PRICKLE1: variants seen among roughly 807,000 people sequenced by gnomAD.
The protein encoded by PRICKLE1 is prickle planar cell polarity protein 1.
PRICKLE1 carries 14 observed loss-of-function variants against 70.2 expected under a neutral mutation model. That is an observed-to-expected ratio of 0.20 (90% CI 0.13 to 0.31). PRICKLE1 has a LOEUF of 0.31. Ranked by LOEUF, PRICKLE1 falls within the 10% of genes least tolerant of loss-of-function variation. The pLI, the probability that PRICKLE1 is intolerant of heterozygous loss-of-function variation, is 1.00. For missense variants in PRICKLE1, 821 were observed against 1,026.2 expected (o/e 0.80, Z 2.73); for synonymous variants, 357 against 379.9 (o/e 0.94, Z 0.70).
chr12:42,541,411 G>A (rs1940113015), intron 1 of PRICKLE1, among the ~76,000 whole-genome samples: 1 of 151,662 alleles, frequency 6.6e-6, no homozygotes, highest in African/African-American at 2.4e-5. Context: ...TGCCATCATG[G>A]CTCACTGCAG....
chr12:42,555,327 C>T (rs1005018616), intron 1 of PRICKLE1, among the ~76,000 whole-genome samples: 1 of 152,042 alleles, frequency 6.6e-6, no homozygotes, highest in Non-Finnish European at 1.5e-5. Flanking sequence ...AAGCAAAAAG[C>T]AGTAATTTCT....
chr12:42,556,585 C>T (rs1940416428), intron 1 of PRICKLE1, among the ~76,000 whole-genome samples: 1 of 152,090 alleles, frequency 6.6e-6, no homozygotes, highest in African/African-American at 2.4e-5. Context: ...GGATCTAGAT[C>T]CTTATTCAGA....
intron 1 of PRICKLE1, among the ~76,000 whole-genome samples, chr12:42,588,546 G>A (rs1941021355): frequency 6.6e-6 from 1 of 151,638 alleles, no homozygotes; most frequent in African/African-American, 2.4e-5. Context: ...GGTTCCCGTG[G>A]TGTGTTTGCC....
In PRICKLE1 at chr12:42,583,394, T is replaced by C. The variant is rs145687713; in HGVS notation, c.-49+6071A>G. Among the ~76,000 whole-genome samples the C allele has an allele frequency of 3.9e-5, 6 of 152,254 alleles. No individual in the cohort carries two copies. In the East Asian group the frequency reaches 1.2e-3, roughly 29 times the overall value. On this transcript the variant is annotated intron_variant, in intron 1 of 7. Transcript: ENST00000345127. ...GTTGAGCAAATTTCCTCCAAGAAGG[T>C]TTGCTTAACTGAAAGACAATTTCCA...
At chr12:42,465,323 A>G in intron 6 of PRICKLE1, 65 bp from the exon 7 acceptor site, 1 of 1,504,862 alleles carries the variant, frequency 6.6e-7, no homozygotes, top group Admixed American at 1.7e-5. Context: ...GGTATAAGGA[A>G]GAAACGAAGA....
intron 6 of PRICKLE1, 154 bp downstream of exon 6, chr12:42,466,040 A>G: frequency 1.2e-6 from 1 of 815,526 alleles, no homozygotes. Flanking sequence ...TCATTTGTCA[A>G]AGCTCATCAG....
intron 7 of PRICKLE1, among the ~76,000 whole-genome samples, chr12:42,462,373 G>T (rs575975930): frequency 3.7e-4 from 56 of 152,064 alleles, no homozygotes; most frequent in African/African-American, 1.3e-3. Flanking sequence ...GCTAATTTTC[G>T]TATTTTTAGT....
intron 1 of PRICKLE1, among the ~76,000 whole-genome samples, chr12:42,510,059 C>T (rs1939484718): frequency 6.8e-6 from 1 of 146,402 alleles, no homozygotes; most frequent in South Asian, 2.1e-4. Context: ...GGTGACAGAG[C>T]GAGACTCTGT....
chr12:42,505,115 G>A (rs1336051628), intron 1 of PRICKLE1, among the ~76,000 whole-genome samples: 1 of 152,046 alleles, frequency 6.6e-6, no homozygotes, highest in Non-Finnish European at 1.5e-5. Flanking sequence ...CTCCAGCCTG[G>A]GCAACAGAGT....
Position 42,459,114 on chromosome 12 carries a change from A to T in PRICKLE1, c.*695T>A, listed in dbSNP as rs1937688632. On this transcript the variant is annotated 3_prime_UTR_variant, in exon 8 of 8. Coordinates refer to ENST00000345127, the MANE Select transcript of PRICKLE1 (RefSeq NM_153026.3). ...CCTGGCAAATCTAGCACTGCAGCGT[A>T]ACAAACGGCTTACAATTCAGGGATA... 2.0e-6 allele frequency: 1 copy of T among 507,438 alleles called. No individual in the cohort carries two copies. The highest frequency in any genetic ancestry group is 3.5e-6 in the Non-Finnish European group (1 of 284,536). 31.4% of individuals were successfully genotyped at this position (507,438 alleles called of 1,614,324 possible).
rs143529244 is a variant in PRICKLE1 at position 42,509,274 on chromosome 12, A to G, written c.-48-36710T>C. ...TCCTTAGTCTGAAATGGAAAATTCT[A>G]TTTTGGGAAACTGCCTAGAGACGCA... On this transcript the variant is annotated intron_variant, in intron 1 of 7. Coordinates refer to ENST00000345127, the MANE Select transcript of PRICKLE1 (RefSeq NM_153026.3). Among the ~76,000 whole-genome samples the G allele has an allele frequency of 6.2e-4, 95 of 152,342 alleles. No homozygotes were observed. The East Asian group carries it at 0.014, about 22-fold the overall frequency.
chr12:42,470,055 T>C (rs1938254574), intron 3 of PRICKLE1, 191 bp downstream of exon 3: 1 of 585,388 alleles, frequency 1.7e-6, no homozygotes, highest in Admixed American at 2.9e-5. Context: ...TGTGTTAAGT[T>C]TATTACACTG....
chr12:42,580,067 G>C lies in PRICKLE1; in HGVS notation c.-49+9398C>G, dbSNP rs867940683. 3.4e-4 allele frequency among the ~76,000 whole-genome samples: 52 copies of C among 152,096 alleles called. 1 individual carries two copies. In the Middle Eastern group the frequency reaches 0.02, roughly 60 times the overall value. On this transcript the variant is annotated intron_variant, in intron 1 of 7. Coordinates refer to ENST00000345127, the MANE Select transcript of PRICKLE1 (RefSeq NM_153026.3). ...TTTGTTTTTTTTTAGTAGAGGCAGG[G>C]TTTCACCATGTTGGCCAGGCTGGTC...
At chr12:42,521,605 TC>T (rs1321649034) in intron 1 of PRICKLE1, among the ~76,000 whole-genome samples, 1 of 150,668 alleles carries the variant, frequency 6.6e-6, no homozygotes, top group Admixed American at 6.6e-5. Context: ...GAGGCTGAGG[TC>T]GGGGGGATCG....
chr12:42,557,436 G>T (rs1351550740), intron 1 of PRICKLE1, among the ~76,000 whole-genome samples: 1 of 152,110 alleles, frequency 6.6e-6, no homozygotes, highest in Non-Finnish European at 1.5e-5. Flanking sequence ...AGCTCAAGTA[G>T]CTCAATTTGT....
At chr12:42,575,274 A>G (rs1940785712) in intron 1 of PRICKLE1, among the ~76,000 whole-genome samples, 2 of 152,234 alleles carry the variant, frequency 1.3e-5, no homozygotes, top group South Asian at 4.1e-4. Flanking sequence ...CCTTAAGGCC[A>G]GCCACAGAAA....
chr12:42,459,226 A>C lies in PRICKLE1; in HGVS notation c.*583T>G. On this transcript the variant is annotated 3_prime_UTR_variant, in exon 8 of 8. Coordinates refer to ENST00000345127, the MANE Select transcript of PRICKLE1 (RefSeq NM_153026.3). Reference sequence around the variant, plus strand: ...ATTAGGAATACACTTAAGTCTATGAAATACTAAGTTATAAATAGCAATGTT... The same window carrying C: ...ATTAGGAATACACTTAAGTCTATGACATACTAAGTTATAAATAGCAATGTT... 2 of 696,610 alleles carry C rather than the reference A, an allele frequency of 2.9e-6. No homozygotes were observed. The highest frequency in any genetic ancestry group is 3.0e-5 in the South Asian group (2 of 67,020). The allele number at this position is 696,610 out of a possible 1,614,324, so 43.2% of individuals were successfully genotyped here.
intron 1 of PRICKLE1, chr12:42,490,097 C>T (rs1307840341): frequency 6.6e-6 from 1 of 152,148 alleles, no homozygotes; most frequent in East Asian, 1.9e-4. Context: ...ATTTTCAGAA[C>T]TACAGAACAA....
chr12:42,461,797 C>T (rs1164285817), intron 7 of PRICKLE1, among the ~76,000 whole-genome samples: 2 of 152,136 alleles, frequency 1.3e-5, no homozygotes, highest in African/African-American at 4.8e-5. Context: ...GACTACATAA[C>T]TTCGTACTTA....
Sources: allele counts gnomAD v4.1 joint callset (sites outside exome capture counted in the v4.1 genomes callset), GRCh38; gene constraint gnomAD v4.1.1; transcripts MANE v1.5; gene names NCBI Gene and HGNC (gene_info 2026-07-23, HGNC 2026-07-21).